Variants in PACS2 observed in about 807,000 individuals in gnomAD.
PACS2 encodes PACS1-like protein.
Under a neutral mutation model 113.0 loss-of-function variants are expected in PACS2, and 36 were observed. That is an observed-to-expected ratio of 0.32 (90% CI 0.24 to 0.42). The LOEUF (loss-of-function observed/expected upper bound fraction) is 0.42, where lower values mean the gene tolerates loss of function less well. Ranked by LOEUF, PACS2 falls within the 10% of genes least tolerant of loss-of-function variation. The pLI, the probability that PACS2 is intolerant of heterozygous loss-of-function variation, is 1.00. For missense variants in PACS2, 1,015 were observed against 1,239.5 expected, an observed-to-expected ratio of 0.82 and a Z score of 2.72; for synonymous variants, 589 against 536.1, an observed-to-expected ratio of 1.10 and a Z score of -1.36.
At chr14:105,374,362 A>G (rs1035199328) in intron 8 of PACS2, among the ~76,000 whole-genome samples, 3 of 152,230 alleles carry the variant, frequency 2.0e-5, no homozygotes, top group Admixed American at 6.5e-5. Flanking sequence ...TAGTGCCATC[A>G]AGAAAACCGA....
rs1433953871 is a variant in PACS2, at chr14:105,340,077, C to G, written c.120-8416C>G. Among the ~76,000 whole-genome samples the G allele has an allele frequency of 6.6e-6, 1 of 152,220 alleles. No homozygotes were observed. The highest frequency in any genetic ancestry group is 1.5e-5 in the Non-Finnish European group (1 of 68,046). ...TCCAAGTGTGAGCCACCGCGTCTGG[C>G]TAAGGAGTATTTTCCTTAGCAGATA... On this transcript the variant is annotated intron_variant, in intron 1 of 24. Transcript: ENST00000447393. This position sits in a 1 kb window ranked among gnomAD's most constrained non-coding sequence, Gnocchi z 4.2.
chr14:105,370,296 G>GACCCCCCTCCCCACCTGACA (rs1555409089), intron 8 of PACS2: 2 of 107,734 alleles, frequency 1.9e-5, no homozygotes, highest in African/African-American at 4.0e-5. Flanking sequence ...TATTGACATG[G>GACCCCCCTCCCCACCTGACA]GCCCCCCCTC....
intron 1 of PACS2, among the ~76,000 whole-genome samples, chr14:105,302,031 C>G (rs587762984): frequency 1.3e-5 from 2 of 151,942 alleles, no homozygotes; most frequent in East Asian, 3.9e-4. Flanking sequence ...CCCAGCTACT[C>G]GCGAGTCTGA....
At chr14:105,392,963 C>T (rs1555415385) in intron 23 of PACS2, 118 bp downstream of exon 23, 2 of 788,846 alleles carry the variant, frequency 2.5e-6, no homozygotes, top group Non-Finnish European at 2.1e-6. Flanking sequence ...CCCACATGCG[C>T]AGGCAGGGGC....
At chr14:105,302,992 C>T (rs943259665) in intron 1 of PACS2, among the ~76,000 whole-genome samples, 5 of 151,640 alleles carry the variant, frequency 3.3e-5, no homozygotes, top group African/African-American at 1.2e-4. Context: ...TCAGTGGTGC[C>T]ATCTCAGCTC....
intron 1 of PACS2, among the ~76,000 whole-genome samples, chr14:105,342,274 A>C (rs201980296): frequency 8.2e-6 from 1 of 122,606 alleles, no homozygotes; most frequent in African/African-American, 3.3e-5. Flanking sequence ...GTGTGTGTCT[A>C]TGTGTGAGAG....
intron 4 of PACS2, among the ~76,000 whole-genome samples, chr14:105,361,662 T>C (rs2060684169): frequency 6.9e-6 from 1 of 144,736 alleles, no homozygotes; most frequent in Non-Finnish European, 1.5e-5. Context: ...AACAAAAAAA[T>C]TAGTGGGCCG....
intron 2 of PACS2, among the ~76,000 whole-genome samples, chr14:105,349,084 T>G (rs1297347515): frequency 2.0e-5 from 3 of 152,098 alleles, no homozygotes; most frequent in Non-Finnish European, 4.4e-5. Context: ...TCCAGAGGGG[T>G]CATGCTGGTG....
intron 1 of PACS2, among the ~76,000 whole-genome samples, chr14:105,339,073 T>C (rs1210628214): frequency 6.6e-6 from 1 of 152,232 alleles, no homozygotes; most frequent in South Asian, 2.1e-4. Flanking sequence ...GCCCCTGCTT[T>C]GCAAGTTCCT....
intron 1 of PACS2, among the ~76,000 whole-genome samples, chr14:105,334,016 G>A (rs2059405738): frequency 6.6e-6 from 1 of 152,244 alleles, no homozygotes; most frequent in South Asian, 2.1e-4. Flanking sequence ...TTCCTGCCTG[G>A]GGCCATATGG....
chr14:105,391,224 T>G lies in PACS2; in HGVS notation c.2094T>G (p.Ile698Met). 1 of 1,613,398 alleles carries G rather than the reference T, an allele frequency of 6.2e-7. No individual in the cohort carries two copies. Among genetic ancestry groups the G allele is most frequent in the Non-Finnish European group, 8.5e-7 (1 of 1,179,546 alleles). ...TTTTCTAGGTTGTGAAGGTTGGAAT[T>G]GTGGAGCCATCCTCGGCCACATCAG... ...IPFVGVVKVG[I>M]VEPSSATSGD... The change falls in exon 21 of 25, where the codon ATT (isoleucine) becomes ATG (methionine). Residue 698 changes from isoleucine to methionine, a missense_variant. Coordinates refer to ENST00000447393, the MANE Select transcript of PACS2 (RefSeq NM_001100913.3).
intron 12 of PACS2, 30 bp downstream of exon 12, chr14:105,381,129 G>A (rs782000123): frequency 3.3e-5 from 52 of 1,592,754 alleles, no homozygotes; most frequent in South Asian, 7.9e-5. Context: ...GGGGCGGGGC[G>A]GTGATGCACC....
rs782636598 is a variant in PACS2, at chr14:105,382,013, C to T, written c.1368C>T (p.Asn456=). 325 of 1,549,860 alleles carry T rather than the reference C, an allele frequency of 2.1e-4. 2 individuals carry two copies. Among genetic ancestry groups the T allele is most frequent in the Non-Finnish European group, 6.7e-5 (77 of 1,147,202 alleles). ...PQNERANSLD[N]ERCPDARSQL... ...ATGAGCGGGCCAACAGCCTGGACAA[C>T]GAGCGCTGCCCGGACGCCCGGAGCC... The change falls in exon 13 of 25, where the codon AAC becomes AAT. Residue 456 remains asparagine, a synonymous_variant. Coordinates refer to ENST00000447393, the MANE Select transcript of PACS2 (RefSeq NM_001100913.3).
At chr14:105,328,723 C>T (rs1045586569) in intron 1 of PACS2, among the ~76,000 whole-genome samples, 12 of 152,136 alleles carry the variant, frequency 7.9e-5, no homozygotes, top group African/African-American at 2.9e-4. Flanking sequence ...GTGGCAGCGG[C>T]GTCATTAGGA....
chr14:105,305,221 C>A (rs939136563), intron 1 of PACS2, among the ~76,000 whole-genome samples: 3 of 151,926 alleles, frequency 2.0e-5, no homozygotes, highest in African/African-American at 7.3e-5. Context: ...AGCAACATGG[C>A]AAAACCCTGA....
In PACS2 at chr14:105,383,399, G is replaced by A. The variant is rs782751075; in HGVS notation, c.1666G>A (p.Ala556Thr). 6.2e-6 allele frequency: 10 copies of A among 1,607,136 alleles called. No individual in the cohort carries two copies. Among genetic ancestry groups the A allele is most frequent in the South Asian group, 1.1e-5 (1 of 90,930 alleles). Residue 556 changes from alanine (A) to threonine (T), a missense_variant, in exon 16 of 25, where the codon GCC (alanine) becomes ACC (threonine). Ala to Thr is a moderately conservative substitution (Grantham distance 58, BLOSUM62 0). Coordinates refer to ENST00000447393, the MANE Select transcript of PACS2 (RefSeq NM_001100913.3). ...CCAGCCCCCGACCCCCGTGAAGATC[G>A]CCGTGGCGGGAGCGCAGCATTACCT... is the stretch of plus-strand genomic sequence containing the variant. ...NSQPPTPVKI[A>T]VAGAQHYLSA...
At chr14:105,372,594 T>C (rs2061196890) in intron 8 of PACS2, 1 of 152,190 alleles carries the variant, frequency 6.6e-6, no homozygotes, top group African/African-American at 2.4e-5. Context: ...AAATTTGCTT[T>C]CTGAAAGGTA....
intron 4 of PACS2, among the ~76,000 whole-genome samples, chr14:105,362,188 G>A (rs1254920771): frequency 5.3e-5 from 8 of 151,906 alleles, no homozygotes; most frequent in African/African-American, 1.4e-4. Context: ...GGAGGCCACG[G>A]TGGGCGGATC....
intron 2 of PACS2, 109 bp from the exon 3 acceptor site, chr14:105,352,269 G>A: frequency 2.7e-6 from 2 of 737,650 alleles, no homozygotes; most frequent in Non-Finnish European, 2.5e-6. Context: ...CCCCCAGACT[G>A]CAGGGCTGCA....
Sources: gnomAD v4.1 joint callset for allele counts (sites outside exome capture counted in the v4.1 genomes callset) on GRCh38, gnomAD v4.1.1 for gene constraint, Gnocchi (gnomAD v3.1) non-coding constraint, MANE v1.5 for transcripts, NCBI Gene and HGNC (gene_info 2026-07-23, HGNC 2026-07-21) for gene names.